The following DNER variants were observed in gnomAD, a reference collection of about 807,000 sequenced individuals.
DNER encodes the protein delta/notch like EGF repeat containing.
A neutral mutation model predicts 78.2 loss-of-function variants in DNER; 33 were observed. The ratio of observed to expected loss-of-function variants is 0.42; its 90% CI spans 0.32 to 0.56. DNER has a LOEUF of 0.56. Ranked by LOEUF, DNER falls within the 20% of genes least tolerant of loss-of-function variation. DNER has a pLI of 0.11. For synonymous variants in DNER, 417 were observed against 384.8 expected, an observed-to-expected ratio of 1.08 and a Z score of -0.98; for missense variants, 918 against 975.3, an observed-to-expected ratio of 0.94 and a Z score of 0.78.
At chr2:229,608,182 T>C (rs1223135989) in intron 1 of DNER, among the ~76,000 whole-genome samples, 1 of 152,146 alleles carries the variant, frequency 6.6e-6, no homozygotes, top group Non-Finnish European at 1.5e-5. Context: ...TGTAGGACAA[T>C]GTTAAAAATA....
intron 1 of DNER, among the ~76,000 whole-genome samples, chr2:229,664,578 A>G (rs1323253111): frequency 2.6e-5 from 4 of 152,228 alleles, no homozygotes; most frequent in African/African-American, 9.6e-5. Flanking sequence ...ATAAGGCCCC[A>G]CACTAGAAGC....
chr2:229,544,740 G>A (rs1366199723), intron 5 of DNER, among the ~76,000 whole-genome samples: 5 of 152,046 alleles, frequency 3.3e-5, no homozygotes, highest in Admixed American at 3.3e-4. Context: ...CACCATGTTG[G>A]CCAGGCTGGT....
intron 1 of DNER, among the ~76,000 whole-genome samples, chr2:229,612,725 C>T (rs1346760198): frequency 6.6e-6 from 1 of 152,234 alleles, no homozygotes; most frequent in East Asian, 1.9e-4. Flanking sequence ...GCACAATGAG[C>T]TCCAAACTGG....
chr2:229,389,302 A>G (rs1411441279), intron 10 of DNER, among the ~76,000 whole-genome samples: 1 of 151,228 alleles, frequency 6.6e-6, no homozygotes, highest in Non-Finnish European at 1.5e-5. Context: ...ACACCACCTT[A>G]GAACAAAGCC....
chr2:229,501,331 G>GT (rs1385746349), intron 6 of DNER, among the ~76,000 whole-genome samples: 1 of 149,114 alleles, frequency 6.7e-6, no homozygotes, highest in African/African-American at 2.5e-5. Flanking sequence ...AGTATGTTAG[G>GT]TTAAAAAAAA....
At chr2:229,628,728 C>T (rs1011860072) in intron 1 of DNER, among the ~76,000 whole-genome samples, 9 of 152,142 alleles carry the variant, frequency 5.9e-5, no homozygotes, top group African/African-American at 1.9e-4. Flanking sequence ...TGCAACCCAG[C>T]TTCCTGAGGC....
chr2:229,378,476 G>A (rs775242635), intron 11 of DNER, among the ~76,000 whole-genome samples: 1 of 152,194 alleles, frequency 6.6e-6, no homozygotes, highest in Non-Finnish European at 1.5e-5. Context: ...GGGAAAGCAG[G>A]ACACTGTGGC....
intron 1 of DNER, among the ~76,000 whole-genome samples, chr2:229,713,309 T>C (rs909095657): frequency 6.6e-6 from 1 of 152,228 alleles, no homozygotes; most frequent in African/African-American, 2.4e-5. Context: ...GCCCCAGATA[T>C]TATTTTCTGC....
chr2:229,622,760 C>T (rs13389566), intron 1 of DNER, among the ~76,000 whole-genome samples: 28,792 of 152,042 alleles, frequency 0.19, 3,125 homozygotes, highest in African/African-American at 0.27. Context: ...GACACAGAAG[C>T]TGGAGACAGA....
intron 4 of DNER, among the ~76,000 whole-genome samples, chr2:229,550,352 C>T (rs1361578431): frequency 1.3e-5 from 2 of 152,128 alleles, no homozygotes; most frequent in Non-Finnish European, 1.5e-5. Context: ...TATCATAGTT[C>T]AGGCATCACA....
At chr2:229,634,935 C>T (rs1290570246) in intron 1 of DNER, among the ~76,000 whole-genome samples, 1 of 152,226 alleles carries the variant, frequency 6.6e-6, no homozygotes, top group Non-Finnish European at 1.5e-5. Flanking sequence ...TTTTCCTTAA[C>T]TTTTGAGAAC....
intron 10 of DNER, among the ~76,000 whole-genome samples, chr2:229,406,202 T>A (rs1056467872): frequency 1.6e-4 from 24 of 152,264 alleles, no homozygotes; most frequent in African/African-American, 5.5e-4. Context: ...CCACAGTGGC[T>A]TAGCAGGGGA....
intron 7 of DNER, among the ~76,000 whole-genome samples, chr2:229,465,902 G>A (rs1694795487): frequency 1.3e-5 from 2 of 152,096 alleles, no homozygotes; most frequent in South Asian, 2.1e-4. Flanking sequence ...ATCAAGTCGT[G>A]TAAAACTTGT....
intron 7 of DNER, among the ~76,000 whole-genome samples, chr2:229,463,239 T>C (rs910370444): frequency 5.3e-5 from 8 of 152,054 alleles, no homozygotes; most frequent in Non-Finnish European, 1.2e-4. Flanking sequence ...GTGGAATAAA[T>C]GAGTGGATTA....
chr2:229,605,965 C>G (rs142875590), intron 1 of DNER, among the ~76,000 whole-genome samples: 2 of 152,126 alleles, frequency 1.3e-5, no homozygotes, highest in Non-Finnish European at 2.9e-5. Flanking sequence ...ACAGAAACTT[C>G]GATGGAAAAT....
chr2:229,409,073 G>A (rs184658255), intron 9 of DNER, among the ~76,000 whole-genome samples: 135 of 152,234 alleles, frequency 8.9e-4, no homozygotes, highest in Admixed American at 1.5e-3. Context: ...TAACATAAAA[G>A]ATCAAAATAA....
At chr2:229,513,055 T>C in intron 5 of DNER, 119 bp from the exon 6 acceptor site, 1 of 1,115,024 alleles carries the variant, frequency 9.0e-7, no homozygotes, top group Non-Finnish European at 1.2e-6. Flanking sequence ...TTTAATCAAA[T>C]CACTTATGTC....
intron 1 of DNER, among the ~76,000 whole-genome samples, chr2:229,634,814 G>C (rs1698500903): frequency 6.6e-6 from 1 of 152,124 alleles, no homozygotes; most frequent in Non-Finnish European, 1.5e-5. Context: ...TGCCTCCCTT[G>C]TCAGGTTCAC....
At chr2:229,515,540 A>T (rs1695951671) in intron 5 of DNER, among the ~76,000 whole-genome samples, 1 of 152,166 alleles carries the variant, frequency 6.6e-6, no homozygotes, top group Non-Finnish European at 1.5e-5. Flanking sequence ...TGACGGATAC[A>T]TTTAGCATGT....
Sources: gnomAD v4.1 joint callset for allele counts (sites outside exome capture counted in the v4.1 genomes callset) on GRCh38, gnomAD v4.1.1 for gene constraint, MANE v1.5 for transcripts, NCBI Gene and HGNC (gene_info 2026-07-23, HGNC 2026-07-21) for gene names.